Variants in PCDHGA7 observed in about 807,000 individuals in gnomAD.
PCDHGA7 encodes protocadherin gamma subfamily A, 7.
A neutral mutation model predicts 58.3 loss-of-function variants in PCDHGA7; 44 were observed. That is an observed-to-expected ratio of 0.75 (90% CI 0.59 to 0.97). The LOEUF is 0.97. Ranked by LOEUF, PCDHGA7 falls within the 50% of genes least tolerant of loss-of-function variation. The probability of loss-of-function intolerance (pLI) is 0.00; values close to 1 mark genes in which losing one functional copy is unlikely to be tolerated. For synonymous variants in PCDHGA7, 516 were observed against 504.2 expected, an observed-to-expected ratio of 1.02 and a Z score of -0.31; for missense variants, 1,266 against 1,188.7, an observed-to-expected ratio of 1.06 and a Z score of -0.96.
At chr5:141,422,464 A>G (rs1303001624) in intron 1 of PCDHGA7, 1 of 1,613,502 alleles carries the variant, frequency 6.2e-7, no homozygotes, top group Admixed American at 1.7e-5. Context: ...AGTGCTGGAC[A>G]GGGAGTTGGT....
chr5:141,433,993 T>G (rs1367687577), intron 1 of PCDHGA7, among the ~76,000 whole-genome samples: 1 of 152,216 alleles, frequency 6.6e-6, no homozygotes, highest in Non-Finnish European at 1.5e-5. Context: ...GAGTTTTATA[T>G]TCTCTATATA....
rs777111805 is a variant in PCDHGA7, at chr5:141,395,298, GT to G, written c.2424+9979del. On this transcript the variant is annotated intron_variant, in intron 1 of 3. Coordinates refer to ENST00000518325, the MANE Select transcript of PCDHGA7 (RefSeq NM_018920.4). ...ATGAATTTTATTTGGCATAAATTAT[GT>G]TTTGAAAAACATTGTGAAGATAGTT... 6 of 1,522,174 alleles carry G rather than the reference GT, an allele frequency of 3.9e-6. No homozygotes were observed. The East Asian group carries it at 9.1e-5, about 23-fold the overall frequency. The allele number at this position is 1,522,174 out of a possible 1,614,324, so 94.3% of individuals were successfully genotyped here.
intron 1 of PCDHGA7, chr5:141,390,229 C>T (rs781367582): frequency 6.2e-7 from 1 of 1,614,056 alleles, no homozygotes; most frequent in South Asian, 1.1e-5. Flanking sequence ...TGCGGTGATT[C>T]ATCTGGGGCC....
intron 1 of PCDHGA7, among the ~76,000 whole-genome samples, chr5:141,467,591 T>C (rs765816743): frequency 3.3e-5 from 5 of 152,360 alleles, no homozygotes; most frequent in South Asian, 4.1e-4. Flanking sequence ...ATGCCATTTA[T>C]TAAGCACTTC....
At chr5:141,402,469 A>G (rs2094270515) in intron 1 of PCDHGA7, among the ~76,000 whole-genome samples, 1 of 152,224 alleles carries the variant, frequency 6.6e-6, no homozygotes. Context: ...ATCTAGAAAT[A>G]GAGTGCAAAG....
intron 1 of PCDHGA7, among the ~76,000 whole-genome samples, chr5:141,482,554 A>T (rs997707871): frequency 4.1e-5 from 6 of 146,884 alleles, no homozygotes; most frequent in Non-Finnish European, 6.0e-5. Flanking sequence ...AAAAAAGATA[A>T]TGGAGATCTG....
At position 141,485,260 on chromosome 5, in the gene PCDHGA7, G is replaced by A. The variant is rs773919574; in HGVS notation, c.2425-9547G>A. On this transcript the variant is annotated intron_variant, in intron 1 of 3. Transcript: ENST00000518325. This position sits in a 1 kb window ranked among gnomAD's most constrained non-coding sequence, Gnocchi z 5.7. ...TTTACCACCTGGGTTACGTTTGTGG[G>A]CAGATCCGCTACCCGGTCCCAGAGG... The A allele has an allele frequency of 8.7e-6, 14 of 1,614,002 alleles. No individual in the cohort carries two copies. In the African/African-American group the frequency reaches 1.5e-4, roughly 17 times the overall value.
chr5:141,422,040 C>A, intron 1 of PCDHGA7: 1 of 1,611,442 alleles, frequency 6.2e-7, no homozygotes, highest in Non-Finnish European at 8.5e-7. Context: ...CGGATCCAGA[C>A]GAGGGAATCA....
intron 1 of PCDHGA7, chr5:141,426,581 C>A: frequency 2.8e-6 from 1 of 358,468 alleles, no homozygotes. Context: ...TCTTCAAAAT[C>A]CTCTGTGTCA....
rs780310968 is a variant in PCDHGA7 at position 141,414,168 on chromosome 5, T to G, written c.2424+28845T>G. The G allele has an allele frequency of 5.6e-6, 9 of 1,605,598 alleles. No individual in the cohort carries two copies. The African/African-American group carries it at 1.2e-4, about 21-fold the overall frequency. ...TACAAGCAGAAGATGGAGGAGCATA[T>G]CTTGCAACTGCAAAAGTGTTGATTA... On this transcript the variant is annotated intron_variant, in intron 1 of 3. Coordinates refer to ENST00000518325, the MANE Select transcript of PCDHGA7 (RefSeq NM_018920.4).
Position 141,502,866 on chromosome 5 carries a change from C to CTTTTTTTTTTTTTT in PCDHGA7, c.2484-2526_2484-2513dup, listed in dbSNP as rs549047197. Among the ~76,000 whole-genome samples the CTTTTTTTTTTTTTT allele has an allele frequency of 1.6e-4, 20 of 128,024 alleles. 4 individuals are homozygous for CTTTTTTTTTTTTTT. The highest frequency in any genetic ancestry group is 2.6e-4 in the Admixed American group (3 of 11,660). 84.0% of individuals were successfully genotyped at this position (128,024 alleles called of 152,430 possible). A position where few individuals can be genotyped will look rare whatever the true frequency, so the allele number is the denominator to read the frequency against. The stretch of plus-strand genomic sequence containing the variant: ...GAGCTGCCTAACCCTGACTCTCTGT[C>CTTTTTTTTTTTTTT]TTTTTTTTTTTTTTGACAGGGAGTC... On this transcript the variant is annotated intron_variant, in intron 2 of 3. Transcript: ENST00000518325.
At chr5:141,502,406 T>G (rs1390520101) in intron 2 of PCDHGA7, among the ~76,000 whole-genome samples, 1 of 152,072 alleles carries the variant, frequency 6.6e-6, no homozygotes, top group African/African-American at 2.4e-5. Context: ...TCCCCGAACC[T>G]GGATTTGCTG....
Position 141,485,598 on chromosome 5 carries a change from T to C in PCDHGA7, c.2425-9209T>C, listed in dbSNP as rs931717579. 25 of 1,612,028 alleles carry C rather than the reference T, an allele frequency of 1.6e-5. No individual in the cohort carries two copies. Among genetic ancestry groups the C allele is most frequent in the African/African-American group, 2.7e-5 (2 of 74,838 alleles). ...CCGCGGCAGCAGCTGGACTTGGAAA[T>C]TGGGGAGGCAGCTCCTCCAGGACAG... On this transcript the variant is annotated intron_variant, in intron 1 of 3. Transcript: ENST00000518325. This position sits in a 1 kb window ranked among gnomAD's most constrained non-coding sequence, Gnocchi z 5.7.
intron 1 of PCDHGA7, among the ~76,000 whole-genome samples, chr5:141,444,400 A>G (rs1400847351): frequency 1.3e-5 from 2 of 151,536 alleles, no homozygotes; most frequent in Admixed American, 6.6e-5. Flanking sequence ...TGAACTCCCA[A>G]CCTCAGGTGA....
chr5:141,482,032 C>T (rs1370023352), intron 1 of PCDHGA7, among the ~76,000 whole-genome samples: 1 of 151,018 alleles, frequency 6.6e-6, no homozygotes, highest in African/African-American at 2.4e-5. Flanking sequence ...TTGCAGTGAG[C>T]CAAGATCATG....
intron 1 of PCDHGA7, chr5:141,403,381 C>T (rs1022563452): frequency 4.3e-6 from 7 of 1,614,038 alleles, no homozygotes; most frequent in Non-Finnish European, 8.5e-7. Context: ...TAAAAATTAA[C>T]GAAATCGCGG....
intron 1 of PCDHGA7, among the ~76,000 whole-genome samples, chr5:141,434,248 G>A (rs1347428778): frequency 2.0e-5 from 3 of 152,188 alleles, no homozygotes; most frequent in Non-Finnish European, 2.9e-5. Flanking sequence ...GATGACTTGG[G>A]CATTGTGGGG....
At chr5:141,399,445 G>GATA in intron 1 of PCDHGA7, 1 of 1,614,032 alleles carries the variant, frequency 6.2e-7, no homozygotes, top group Non-Finnish European at 8.5e-7. Flanking sequence ...ACATATCAGA[G>GATA]ACGTCAACGA....
At chr5:141,400,400 C>A (rs375490385) in intron 1 of PCDHGA7, 2 of 1,614,000 alleles carry the variant, frequency 1.2e-6, no homozygotes, top group Admixed American at 3.3e-5. Flanking sequence ...ACAGGAAAGA[C>A]GGAGTTTAAT....
Sources: allele counts gnomAD v4.1 joint callset (sites outside exome capture counted in the v4.1 genomes callset), GRCh38; gene constraint gnomAD v4.1.1; non-coding constraint Gnocchi (gnomAD v3.1); transcripts MANE v1.5; gene names NCBI Gene and HGNC (gene_info 2026-07-23, HGNC 2026-07-21).